Variants in CNTNAP2 observed in about 807,000 individuals in gnomAD.
CNTNAP2 encodes the protein contactin associated protein 2.
CNTNAP2 carries 98 observed loss-of-function variants against 155.2 expected under a neutral mutation model. The ratio of observed to expected loss-of-function variants is 0.63; its 90% CI spans 0.54 to 0.75. The LOEUF (loss-of-function observed/expected upper bound fraction) is 0.75, where lower values mean the gene tolerates loss of function less well. CNTNAP2 is among the 30% of genes least tolerant of loss of function. The pLI, the probability that CNTNAP2 is intolerant of heterozygous loss-of-function variation, is 0.00. For synonymous variants in CNTNAP2, 651 were observed against 631.2 expected (o/e 1.03, Z -0.47); for missense variants, 1,727 against 1,688.1 (o/e 1.02, Z -0.40).
At chr7:147,746,010 A>C (rs1428718842) in intron 13 of CNTNAP2, among the ~76,000 whole-genome samples, 1 of 152,204 alleles carries the variant, frequency 6.6e-6, no homozygotes, top group Non-Finnish European at 1.5e-5. Context: ...AACCACAATA[A>C]AGAAATCATG....
rs1801797443 is a variant in CNTNAP2, at chr7:147,150,199, T to C, written c.1348+17690T>C. Among the ~76,000 whole-genome samples, 3 of 152,098 alleles carry C rather than the reference T, an allele frequency of 2.0e-5. No homozygotes were observed. The South Asian group carries it at 6.2e-4, about 32-fold the overall frequency. On this transcript the variant is annotated intron_variant, in intron 8 of 23. Transcript: ENST00000361727. ...AGGATGGCATTGGTATTGGAAGCCATAGATTATTTACTAAGTAAGAACAGA... is the reference window on the plus strand; with the variant it reads ...AGGATGGCATTGGTATTGGAAGCCACAGATTATTTACTAAGTAAGAACAGA...
chr7:146,319,470 G>A (rs1053160477), intron 1 of CNTNAP2, among the ~76,000 whole-genome samples: 14 of 152,074 alleles, frequency 9.2e-5, no homozygotes, highest in African/African-American at 2.4e-4. Flanking sequence ...TTAGTAGACC[G>A]GGGTACAAAT....
intron 3 of CNTNAP2, among the ~76,000 whole-genome samples, chr7:146,917,848 A>G (rs1424837814): frequency 6.6e-6 from 1 of 152,202 alleles, no homozygotes; most frequent in African/African-American, 2.4e-5. Context: ...AGGCCTCTCC[A>G]GCCATGTGTA....
At chr7:147,754,831 C>G (rs982243424) in intron 13 of CNTNAP2, among the ~76,000 whole-genome samples, 8 of 151,882 alleles carry the variant, frequency 5.3e-5, no homozygotes, top group African/African-American at 1.9e-4. Context: ...AATGGCAAAA[C>G]AAATAATGTT....
chr7:147,877,082 T>A (rs2710108), intron 13 of CNTNAP2, among the ~76,000 whole-genome samples: 1 of 151,576 alleles, frequency 6.6e-6, no homozygotes, highest in African/African-American at 2.4e-5. Context: ...GATGAGGGAG[T>A]TTTTCGGTTA....
intron 3 of CNTNAP2, among the ~76,000 whole-genome samples, chr7:146,855,807 GTATATATATATATA>G (rs367900395): frequency 0.011 from 1,190 of 111,074 alleles, 19 homozygotes; most frequent in African/African-American, 0.014. Flanking sequence ...GTGTTAATGA[GTATATATATATATA>G]TATATATATA....
intron 15 of CNTNAP2, among the ~76,000 whole-genome samples, chr7:148,040,958 A>G (rs780946937): frequency 1.3e-5 from 2 of 152,194 alleles, no homozygotes; most frequent in South Asian, 2.1e-4. Flanking sequence ...ACAGTTTTAG[A>G]AAATTGTACA....
At chr7:147,958,941 G>A (rs377210562) in intron 14 of CNTNAP2, among the ~76,000 whole-genome samples, 13 of 152,040 alleles carry the variant, frequency 8.6e-5, no homozygotes, top group East Asian at 1.9e-4. Flanking sequence ...TTCTAACAAG[G>A]TCCCAGGTGT....
chr7:147,067,420 G>A (rs1397876787), intron 4 of CNTNAP2, among the ~76,000 whole-genome samples: 2 of 152,052 alleles, frequency 1.3e-5, no homozygotes, highest in East Asian at 3.9e-4. Context: ...CATGAATTTT[G>A]GGAGGGGACA....
chr7:147,195,233 A>G (rs1425901660), intron 8 of CNTNAP2, among the ~76,000 whole-genome samples: 1 of 152,056 alleles, frequency 6.6e-6, no homozygotes, highest in Non-Finnish European at 1.5e-5. Flanking sequence ...ATGATTGTAC[A>G]TGTGTGGTGT....
chr7:147,585,313 C>T (rs1285067055), intron 12 of CNTNAP2, among the ~76,000 whole-genome samples: 1 of 151,366 alleles, frequency 6.6e-6, no homozygotes, highest in Non-Finnish European at 1.5e-5. Context: ...ATTTAATATG[C>T]TGTTCTAATT....
At chr7:146,657,345 T>A (rs1800012662) in intron 1 of CNTNAP2, among the ~76,000 whole-genome samples, 1 of 152,218 alleles carries the variant, frequency 6.6e-6, no homozygotes, top group Non-Finnish European at 1.5e-5. Context: ...TTTTGTAGAT[T>A]TAACTTATCA....
At chr7:147,467,876 T>A (rs1459331441) in intron 10 of CNTNAP2, among the ~76,000 whole-genome samples, 3 of 152,072 alleles carry the variant, frequency 2.0e-5, no homozygotes, top group East Asian at 3.9e-4. Flanking sequence ...AAAAAAATTT[T>A]AAAAATCAGC....
At chr7:147,091,842 G>A (rs1244585286) in intron 4 of CNTNAP2, among the ~76,000 whole-genome samples, 5 of 152,186 alleles carry the variant, frequency 3.3e-5, no homozygotes, top group African/African-American at 7.2e-5. Context: ...TCCTGACCTC[G>A]TGATCCACCT....
intron 1 of CNTNAP2, among the ~76,000 whole-genome samples, chr7:146,269,771 G>A (rs1800050695): frequency 6.6e-6 from 1 of 152,166 alleles, no homozygotes; most frequent in Non-Finnish European, 1.5e-5. Flanking sequence ...TCCAGCGGTT[G>A]CACTGCCTTG....
intron 13 of CNTNAP2, among the ~76,000 whole-genome samples, chr7:147,882,106 C>T (rs988827847): frequency 2.0e-5 from 3 of 151,136 alleles, no homozygotes; most frequent in Non-Finnish European, 4.4e-5. Flanking sequence ...AGACATGTGG[C>T]AATATAATCC....
At chr7:148,376,647 C>T (rs1022781836) in intron 21 of CNTNAP2, among the ~76,000 whole-genome samples, 1 of 68,616 alleles carries the variant, frequency 1.5e-5, no homozygotes, top group Non-Finnish European at 4.1e-5. Context: ...TTAAATTACA[C>T]CTGCATATTT....
chr7:146,781,369 G>A (rs1802486168), intron 2 of CNTNAP2, among the ~76,000 whole-genome samples: 2 of 150,514 alleles, frequency 1.3e-5, no homozygotes, highest in Admixed American at 1.3e-4. Context: ...AATCACTAAA[G>A]CCATAGTTTC....
intron 1 of CNTNAP2, among the ~76,000 whole-genome samples, chr7:146,314,139 T>C (rs1278055719): frequency 6.6e-6 from 1 of 152,232 alleles, no homozygotes; most frequent in East Asian, 1.9e-4. Context: ...CTATTATGTA[T>C]TCTTGTCACC....
Sources: allele counts gnomAD v4.1 joint callset (sites outside exome capture counted in the v4.1 genomes callset), GRCh38; gene constraint gnomAD v4.1.1; transcripts MANE v1.5; gene names NCBI Gene and HGNC (gene_info 2026-07-23, HGNC 2026-07-21).